The following SV2C variants were observed in gnomAD, a reference collection of about 807,000 sequenced individuals.
SV2C encodes synaptic vesicle glycoprotein 2C, also known as solute carrier family 22 member B3.
Under a neutral mutation model 79.7 loss-of-function variants are expected in SV2C, and 49 were observed. That is an observed-to-expected ratio of 0.61 (90% confidence interval 0.49 to 0.78). SV2C has a LOEUF of 0.78. Ranked by LOEUF, SV2C falls within the 30% of genes least tolerant of loss-of-function variation. SV2C has a pLI of 0.00. For synonymous variants in SV2C, 334 were observed against 333.2 expected, an observed-to-expected ratio of 1.00 and a Z score of -0.03; for missense variants, 833 against 912.9, an observed-to-expected ratio of 0.91 and a Z score of 1.13.
At chr5:76,149,553 T>C (rs568961444) in intron 2 of SV2C, among the ~76,000 whole-genome samples, 4 of 152,250 alleles carry the variant, frequency 2.6e-5, no homozygotes, top group Non-Finnish European at 5.9e-5. Context: ...AATGATACTA[T>C]GTTTTTAAAT....
intron 12 of SV2C, among the ~76,000 whole-genome samples, chr5:76,308,056 G>A (rs1351015969): frequency 6.6e-6 from 1 of 152,058 alleles, no homozygotes; most frequent in Non-Finnish European, 1.5e-5. Context: ...CATTCTGTTT[G>A]AAATCTTCCT....
the SV2C span, among the ~76,000 whole-genome samples, chr5:75,993,271 C>T: frequency 6.6e-6 from 1 of 151,974 alleles, no homozygotes; most frequent in Non-Finnish European, 1.5e-5. Context: ...TTGTAACAGT[C>T]ACAAAACATT....
At chr5:75,856,871 A>AGATCAATGTCC in the SV2C span, among the ~76,000 whole-genome samples, 21 of 152,084 alleles carry the variant, frequency 1.4e-4, no homozygotes, top group East Asian at 1.2e-3. Flanking sequence ...ATATTTTCCC[A>AGATCAATGTCC]GATCAATGTC....
chr5:76,290,487 A>C (rs992201407), intron 6 of SV2C, among the ~76,000 whole-genome samples: 1 of 152,206 alleles, frequency 6.6e-6, no homozygotes, highest in East Asian at 1.9e-4. Flanking sequence ...CAAAGGACCC[A>C]TTCTTCATTT....
the SV2C span, among the ~76,000 whole-genome samples, chr5:76,063,466 C>A: frequency 1.3e-5 from 2 of 152,112 alleles, no homozygotes; most frequent in East Asian, 3.9e-4. Flanking sequence ...TCTTTGAAGG[C>A]AGCAATGCTG....
intron 4 of SV2C, among the ~76,000 whole-genome samples, chr5:76,284,072 A>G (rs1284369576): frequency 6.6e-6 from 1 of 152,156 alleles, no homozygotes; most frequent in Non-Finnish European, 1.5e-5. Flanking sequence ...TGCCTTTATA[A>G]ATCTCCTCTC....
At chr5:75,926,427 C>G in the SV2C span, among the ~76,000 whole-genome samples, 2 of 152,184 alleles carry the variant, frequency 1.3e-5, no homozygotes, top group Non-Finnish European at 2.9e-5. Context: ...GTATTTCTTG[C>G]ATTCTTTTTT....
intron 4 of SV2C, chr5:76,242,337 G>A (rs1480782546): frequency 5.6e-6 from 8 of 1,427,314 alleles, no homozygotes; most frequent in Middle Eastern, 1.8e-4. Context: ...TGCTGGACGC[G>A]GGACGCAGCG....
At chr5:76,030,285 T>TATTTATTTATTTATTTA in the SV2C span, among the ~76,000 whole-genome samples, 69 of 109,982 alleles carry the variant, frequency 6.3e-4, 2 homozygotes, top group African/African-American at 3.5e-3. Flanking sequence ...TTTTTTTTTT[T>TATTTATTTATTTATTTA]TTTTTTTATT....
chr5:76,118,907 C>T (rs1748379678), intron 1 of SV2C, among the ~76,000 whole-genome samples: 1 of 152,138 alleles, frequency 6.6e-6, no homozygotes, highest in African/African-American at 2.4e-5. Flanking sequence ...CGCTTGAACC[C>T]AGGAGGTAGA....
intron 4 of SV2C, among the ~76,000 whole-genome samples, chr5:76,223,543 A>G (rs796723998): frequency 2.1e-5 from 3 of 141,754 alleles, no homozygotes; most frequent in African/African-American, 8.0e-5. Context: ...GGTTTTTTAC[A>G]TCACATGCTT....
chr5:75,947,587 T>A, the SV2C span, among the ~76,000 whole-genome samples: 4,136 of 152,064 alleles, frequency 0.027, 160 homozygotes, highest in African/African-American at 0.091. Flanking sequence ...TGTGCTCCAC[T>A]ACGCAGAGTG....
chr5:76,267,725 G>A (rs372055317), intron 4 of SV2C, among the ~76,000 whole-genome samples: 1 of 152,252 alleles, frequency 6.6e-6, no homozygotes, highest in African/African-American at 2.4e-5. Context: ...AGCTCTAAAA[G>A]TGACATTTGA....
chr5:76,095,051 TG>T (rs945532145), intron 1 of SV2C, among the ~76,000 whole-genome samples: 4 of 152,052 alleles, frequency 2.6e-5, no homozygotes, highest in East Asian at 3.9e-4. Flanking sequence ...TTTCTTTCAA[TG>T]TTTTTTTTCT....
chr5:75,981,380 A>G, the SV2C span, among the ~76,000 whole-genome samples: 67 of 152,322 alleles, frequency 4.4e-4, no homozygotes, highest in Middle Eastern at 3.4e-3. Context: ...TAAAATTCAT[A>G]TGGAACCAAA....
At chr5:75,973,952 A>C in the SV2C span, among the ~76,000 whole-genome samples, 1 of 152,040 alleles carries the variant, frequency 6.6e-6, no homozygotes, top group Admixed American at 6.6e-5. Context: ...TTTTTGTTAA[A>C]GATGGGAATA....
the SV2C span, among the ~76,000 whole-genome samples, chr5:75,905,630 C>T: frequency 2.7e-3 from 409 of 152,198 alleles, 2 homozygotes; most frequent in African/African-American, 8.7e-3. Context: ...ATGTCCAGCT[C>T]ATTTCCAGTC....
At chr5:75,896,513 G>T in the SV2C span, among the ~76,000 whole-genome samples, 270 of 150,230 alleles carry the variant, frequency 1.8e-3, 3 homozygotes, top group African/African-American at 6.1e-3. Flanking sequence ...GAATAGTGCT[G>T]CAATAAACAT....
At chr5:76,160,810 C>T (rs191692220) in intron 2 of SV2C, among the ~76,000 whole-genome samples, 1 of 152,208 alleles carries the variant, frequency 6.6e-6, no homozygotes, top group African/African-American at 2.4e-5. Context: ...TCAAGAAATG[C>T]AAATTGAAAC....
Sources: gnomAD v4.1 joint callset for allele counts (sites outside exome capture counted in the v4.1 genomes callset) on GRCh38, gnomAD v4.1.1 for gene constraint, MANE v1.5 for transcripts, NCBI Gene and HGNC (gene_info 2026-07-23, HGNC 2026-07-21) for gene names.